RNF17: variants seen among roughly 807,000 people sequenced by gnomAD.
The protein encoded by RNF17 is ring finger protein 17.
In RNF17, 31 loss-of-function variants were observed where a neutral mutation model predicts 200.5. That is an observed-to-expected ratio of 0.15 (90% CI 0.12 to 0.21). RNF17 has a LOEUF of 0.21. Among genes scored for constraint, RNF17 ranks in the 10% least tolerant of loss-of-function variants. The probability of loss-of-function intolerance (pLI) is 1.00; values close to 1 mark genes in which losing one functional copy is unlikely to be tolerated. For synonymous variants in RNF17, 606 were observed against 637.8 expected, an observed-to-expected ratio of 0.95 and a Z score of 0.75; for missense variants, 1,628 against 1,905.1, an observed-to-expected ratio of 0.85 and a Z score of 2.71.
At chr13:24,826,462 A>C (rs1208998528) in intron 16 of RNF17, among the ~76,000 whole-genome samples, 1 of 152,168 alleles carries the variant, frequency 6.6e-6, no homozygotes, top group African/African-American at 2.4e-5. Flanking sequence ...TAGTTTGTAG[A>C]TATGTCCTTT....
Position 24,802,461 on chromosome 13 carries a change from A to T in RNF17, c.1839A>T (p.Arg613Ser), listed in dbSNP as rs747683351. 3.1e-6 allele frequency: 5 copies of T among 1,613,902 alleles called. No individual in the cohort carries two copies. In the Admixed American group the frequency reaches 8.3e-5, roughly 27 times the overall value. Residue 613 changes from arginine to serine, a missense_variant, in exon 14 of 36, where the codon AGA becomes AGT. Arg to Ser is a moderately radical substitution (Grantham distance 110). Around this residue, in one of 5 missense-constraint regions of RNF17, gnomAD observed 289 missense variants for 384.9 expected, o/e 0.75. Coordinates refer to ENST00000255324, the MANE Select transcript of RNF17 (RefSeq NM_031277.3). ...NNKAVSMKVF[R>S]EEDGVLIVDL... ...AGGCTGTTTCAATGAAAGTTTTTAG[A>T]GAAGAAGATGGTGTGCTTATTGTAG...
chr13:24,809,233 C>T (rs1308189218), intron 15 of RNF17, among the ~76,000 whole-genome samples: 1 of 150,004 alleles, frequency 6.7e-6, no homozygotes, highest in African/African-American at 2.4e-5. Flanking sequence ...CCAGTTCCTC[C>T]TTGTACCTCT....
chr13:24,803,754 T>C (rs1421364177), intron 14 of RNF17: 2 of 153,514 alleles, frequency 1.3e-5, no homozygotes, highest in East Asian at 1.9e-4. Flanking sequence ...ACCACAGATA[T>C]CAATGTAACA....
At chr13:24,852,296 G>A (rs1162371575) in intron 24 of RNF17, among the ~76,000 whole-genome samples, 1 of 151,978 alleles carries the variant, frequency 6.6e-6, no homozygotes, top group Non-Finnish European at 1.5e-5. Flanking sequence ...CCGCCACCTC[G>A]CCTGGCTAAT....
At chr13:24,831,714 C>T (rs909705474) in intron 17 of RNF17, 144 bp from the exon 18 acceptor site, 3 of 694,320 alleles carry the variant, frequency 4.3e-6, no homozygotes, top group East Asian at 3.2e-5. Flanking sequence ...CTTTTACAGA[C>T]ACCTTCACAC....
intron 18 of RNF17, among the ~76,000 whole-genome samples, chr13:24,840,668 G>A (rs1008765975): frequency 2.0e-5 from 3 of 151,900 alleles, no homozygotes; most frequent in African/African-American, 4.8e-5. Context: ...ACCAATCATC[G>A]TATGTTCTCA....
chr13:24,763,604 T>C (rs115702971), upstream of RNF17, among the ~76,000 whole-genome samples: 750 of 152,188 alleles, frequency 4.9e-3, 14 homozygotes, highest in African/African-American at 0.017. Flanking sequence ...TAAGGAGTTA[T>C]GTATCTCTCA....
upstream of RNF17, among the ~76,000 whole-genome samples, chr13:24,759,366 A>G (rs1435217379): frequency 6.6e-6 from 1 of 152,254 alleles, no homozygotes; most frequent in Non-Finnish European, 1.5e-5. Context: ...AATGTAGCAT[A>G]TGGAACCAAG....
At chr13:24,805,408 T>C (rs1885728109) in intron 15 of RNF17, among the ~76,000 whole-genome samples, 1 of 152,200 alleles carries the variant, frequency 6.6e-6, no homozygotes, top group Non-Finnish European at 1.5e-5. Context: ...TCTGTCTCTA[T>C]GAAATTGCCT....
the RNF17 span, among the ~76,000 whole-genome samples, chr13:24,756,652 C>T: frequency 6.6e-6 from 1 of 152,098 alleles, no homozygotes; most frequent in East Asian, 1.9e-4. Context: ...AAAGCAGGTC[C>T]TTGTGGCATC....
At chr13:24,870,315 C>A (rs1159795344) in intron 31 of RNF17, among the ~76,000 whole-genome samples, 1 of 151,810 alleles carries the variant, frequency 6.6e-6, no homozygotes, top group Non-Finnish European at 1.5e-5. Context: ...AACTCATGAA[C>A]TCAAGCGATC....
intron 18 of RNF17, among the ~76,000 whole-genome samples, chr13:24,835,300 CGGT>C (rs1359605796): frequency 6.6e-5 from 10 of 152,126 alleles, no homozygotes; most frequent in Admixed American, 6.5e-4. Context: ...CGCCCATCGC[CGGT>C]TCCTCCTCGT....
intron 15 of RNF17, among the ~76,000 whole-genome samples, chr13:24,816,781 G>A (rs554046149): frequency 7.2e-5 from 11 of 152,292 alleles, no homozygotes; most frequent in South Asian, 2.1e-4. Context: ...CAAGAACCAC[G>A]AGGGCATCTG....
At chr13:24,883,304 C>T (rs1953916923), downstream of RNF17, 2 of 1,613,716 alleles carry the variant, frequency 1.2e-6, no homozygotes, top group Non-Finnish European at 1.7e-6. Flanking sequence ...GTATTCCCGT[C>T]TCTTGAACTG....
rs201218881 is a variant in RNF17 at position 24,764,240 on chromosome 13, T to G, written c.37T>G (p.Ser13Ala). ...GGCTTCGAAGACTGGGCCTTCTAGG[T>G]CTTCCTACCAGCGAATGGGGAGGAA... ...AEASKTGPSR[S>A]SYQRMGRKSQ... The change falls in exon 1 of 36, where the codon TCT becomes GCT. Residue 13 changes from serine to alanine, a missense_variant. Physicochemically the swap from Ser to Ala is moderately conservative, Grantham distance 99. This residue lies in a region of RNF17 where 502 missense variants were observed against 501.7 expected (regional missense o/e 1.00). Coordinates refer to ENST00000255324, the MANE Select transcript of RNF17 (RefSeq NM_031277.3). The G allele has an allele frequency of 3.7e-5, 59 of 1,607,950 alleles. No individual in the cohort carries two copies. In the East Asian group the frequency reaches 1.3e-3, roughly 34 times the overall value.
downstream of RNF17, among the ~76,000 whole-genome samples, chr13:24,881,859 GATATATAGATACATCTAT>G (rs1953838118): frequency 9.6e-6 from 1 of 104,604 alleles, no homozygotes; most frequent in Non-Finnish European, 2.1e-5. Context: ...CATCTATATA[GATATATAGATACATCTAT>G]ATAGATATAT....
Position 24,780,267 on chromosome 13 carries a change from A to G in RNF17, c.510+520A>G, listed in dbSNP as rs140808928. 3.8e-3 allele frequency among the ~76,000 whole-genome samples: 582 copies of G among 152,316 alleles called. 2 individuals carry two copies. The highest frequency in any genetic ancestry group is 0.014 in the African/African-American group (563 of 41,568). ...GGTCACTATCAAAAGTCATTTCTCA[A>G]GAGGAATGAGAAATACGATAAAAGT... is the stretch of plus-strand genomic sequence containing the variant. On this transcript the variant is annotated intron_variant, in intron 5 of 35. Coordinates refer to ENST00000255324, the MANE Select transcript of RNF17 (RefSeq NM_031277.3).
At chr13:24,768,648 C>A (rs530986436) in intron 2 of RNF17, among the ~76,000 whole-genome samples, 1 of 151,506 alleles carries the variant, frequency 6.6e-6, no homozygotes, top group Admixed American at 6.6e-5. Flanking sequence ...CATTTGTTTT[C>A]TGTGGAAGTG....
At chr13:24,847,345 A>AT (rs989543135) in intron 22 of RNF17, among the ~76,000 whole-genome samples, 30 of 101,858 alleles carry the variant, frequency 2.9e-4, no homozygotes, top group African/African-American at 1.1e-3. Context: ...TTATTTATTT[A>AT]TTTATTTTTT....
Sources: allele counts gnomAD v4.1 joint callset (sites outside exome capture counted in the v4.1 genomes callset), GRCh38; gene constraint gnomAD v4.1.1; regional missense constraint gnomAD v4.1.1; transcripts MANE v1.5; gene names NCBI Gene and HGNC (gene_info 2026-07-23, HGNC 2026-07-21).